Variants in ATP6V1C1 observed in about 807,000 individuals in gnomAD.
The protein encoded by ATP6V1C1 is V-type proton ATPase subunit C 1.
In ATP6V1C1, 45 loss-of-function variants were observed where a neutral mutation model predicts 53.9. The observed-to-expected ratio is 0.83, with a 90% CI of 0.66 to 1.07. The LOEUF (loss-of-function observed/expected upper bound fraction) is 1.07. ATP6V1C1 is among the 50% of genes least tolerant of loss of function. The pLI, the probability that ATP6V1C1 is intolerant of heterozygous loss-of-function variation, is 0.00. For missense variants in ATP6V1C1, 315 were observed against 440.3 expected (o/e 0.72, Z 2.55); for synonymous variants, 153 against 155.2 (o/e 0.99, Z 0.11).
At chr8:103,033,941 C>T (rs969174667) in intron 1 of ATP6V1C1, among the ~76,000 whole-genome samples, 3 of 152,132 alleles carry the variant, frequency 2.0e-5, no homozygotes, top group Non-Finnish European at 2.9e-5. Context: ...TGGAGTAGGA[C>T]TACATATTGG....
intron 1 of ATP6V1C1, among the ~76,000 whole-genome samples, chr8:103,029,976 C>T (rs1816767964): frequency 6.6e-6 from 1 of 152,160 alleles, no homozygotes; most frequent in Admixed American, 6.6e-5. Context: ...TCAAGTGATC[C>T]ACCTGTCTTG....
rs1817549144 is a variant in ATP6V1C1 at position 103,069,460 on chromosome 8, T to A, written c.*713T>A. 6.6e-6 allele frequency: 1 copy of A among 152,236 alleles called. No individual in the cohort carries two copies. Among genetic ancestry groups the A allele is most frequent in the Non-Finnish European group, 1.5e-5 (1 of 68,048 alleles). 9.4% of individuals were successfully genotyped at this position (152,236 alleles called of 1,614,324 possible). ...TTGGGTCAGAACACAAATTTGAAGA[T>A]GACTTTTCAGTATATGATGGGTATT... On this transcript the variant is annotated 3_prime_UTR_variant, in exon 13 of 13. Coordinates refer to ENST00000518738, the MANE Select transcript of ATP6V1C1 (RefSeq NM_001695.5).
chr8:103,035,138 AT>A (rs1284616081), intron 1 of ATP6V1C1, among the ~76,000 whole-genome samples: 1 of 152,024 alleles, frequency 6.6e-6, no homozygotes, highest in Non-Finnish European at 1.5e-5. Flanking sequence ...TCTTTTTTAT[AT>A]TTTTGACTTT....
chr8:103,026,270 G>A (rs975859174), intron 1 of ATP6V1C1, among the ~76,000 whole-genome samples: 2 of 152,206 alleles, frequency 1.3e-5, no homozygotes, highest in African/African-American at 4.8e-5. Context: ...ATGTCACAGT[G>A]TGTTTCCAGT....
chr8:103,045,898 G>A (rs957650566), intron 3 of ATP6V1C1, among the ~76,000 whole-genome samples: 2 of 151,676 alleles, frequency 1.3e-5, no homozygotes, highest in Non-Finnish European at 2.9e-5. Flanking sequence ...CTGAGGTAGC[G>A]CCACTGCACT....
rs1354244340 is a variant in ATP6V1C1 at position 103,070,117 on chromosome 8, T to C, written c.*1370T>C. The C allele has an allele frequency of 6.6e-6, 1 of 152,220 alleles. No homozygotes were observed. Among genetic ancestry groups the C allele is most frequent in the East Asian group, 1.9e-4 (1 of 5,200 alleles). The allele number at this position is 152,220 out of a possible 1,614,324, so 9.4% of individuals were successfully genotyped here. A position where few individuals can be genotyped will look rare whatever the true frequency, so the allele number is the denominator to read the frequency against. Reference sequence around the variant, plus strand: ...TCACTTGCTTTTTTGCTTAAGAGTATATCTAAGAGAATCCTTTGTGTCAGT... The same window carrying C: ...TCACTTGCTTTTTTGCTTAAGAGTACATCTAAGAGAATCCTTTGTGTCAGT... On this transcript the variant is annotated 3_prime_UTR_variant, in exon 13 of 13. Coordinates refer to ENST00000518738, the MANE Select transcript of ATP6V1C1 (RefSeq NM_001695.5).
chr8:103,059,451 C>T (rs1817353435), intron 8 of ATP6V1C1, among the ~76,000 whole-genome samples: 1 of 152,098 alleles, frequency 6.6e-6, no homozygotes, highest in Non-Finnish European at 1.5e-5. Context: ...GCAACATCTG[C>T]CCAGTGATCC....
chr8:103,060,951 G>A (rs1817385641), intron 8 of ATP6V1C1, among the ~76,000 whole-genome samples: 1 of 152,106 alleles, frequency 6.6e-6, no homozygotes, highest in South Asian at 2.1e-4. Flanking sequence ...GCAAAGTGTT[G>A]GATAAGTTTA....
chr8:103,051,390 T>C (rs1817197034), intron 5 of ATP6V1C1, among the ~76,000 whole-genome samples: 1 of 152,142 alleles, frequency 6.6e-6, no homozygotes, highest in Non-Finnish European at 1.5e-5. Context: ...TTTAAGAAAG[T>C]GTGAAAATTC....
intron 1 of ATP6V1C1, among the ~76,000 whole-genome samples, chr8:103,025,844 C>T (rs1219502889): frequency 6.6e-6 from 1 of 152,190 alleles, no homozygotes; most frequent in Non-Finnish European, 1.5e-5. Flanking sequence ...CTCAAGCTTA[C>T]TTAGGGTCAT....
intron 1 of ATP6V1C1, among the ~76,000 whole-genome samples, chr8:103,029,969 A>G (rs761621145): frequency 1.2e-4 from 19 of 152,176 alleles, no homozygotes; most frequent in Non-Finnish European, 2.4e-4. Context: ...CCTGAGCTCA[A>G]GTGATCCACC....
chr8:103,022,061 C>T (rs774561422), intron 1 of ATP6V1C1, among the ~76,000 whole-genome samples: 1 of 152,256 alleles, frequency 6.6e-6, no homozygotes, highest in South Asian at 2.1e-4. Flanking sequence ...AGTCTACACA[C>T]AGGACACGTT....
intron 1 of ATP6V1C1, among the ~76,000 whole-genome samples, chr8:103,026,033 G>C (rs1816688835): frequency 1.3e-5 from 2 of 152,138 alleles, no homozygotes; most frequent in Non-Finnish European, 1.5e-5. Context: ...TGTAGATTCA[G>C]GGAATCCCCT....
At chr8:103,033,403 C>T (rs1180570394) in intron 1 of ATP6V1C1, among the ~76,000 whole-genome samples, 2 of 152,138 alleles carry the variant, frequency 1.3e-5, no homozygotes, top group Non-Finnish European at 2.9e-5. Context: ...AATCCAGGTG[C>T]TTGATGTTAT....
Position 103,048,889 on chromosome 8 carries a change from C to T in ATP6V1C1, c.220C>T (p.Gln74Ter). 1 of 1,612,926 alleles carries T rather than the reference C, an allele frequency of 6.2e-7. No homozygotes were observed. The highest frequency in any genetic ancestry group is 8.5e-7 in the Non-Finnish European group (1 of 1,179,502). The change falls in exon 4 of 13, where the codon CAA becomes TAA. Residue 74 changes from glutamine to a stop codon, truncating the protein, a stop_gained. Transcript: ENST00000518738. LOFTEE classifies it high-confidence loss of function. ...CCCCAGAGTGGTTAAGAAAGTAGCT[C>T]AATACATGGCTGATGTATTGGAAGA... is the stretch of plus-strand genomic sequence containing the variant. ...FVEGVVKKVA[Q>*]YMADVLEDSK... is the part of the protein sequence containing the mutation.
intron 1 of ATP6V1C1, among the ~76,000 whole-genome samples, chr8:103,037,684 A>T (rs1460635407): frequency 2.6e-5 from 4 of 152,230 alleles, no homozygotes; most frequent in African/African-American, 9.6e-5. Flanking sequence ...AATTAAATAC[A>T]TTCTCATAAA....
At chr8:103,062,849 G>A in intron 8 of ATP6V1C1, 106 bp from the exon 9 acceptor site, 3 of 852,814 alleles carry the variant, frequency 3.5e-6, no homozygotes, top group Non-Finnish European at 1.9e-6. Context: ...TTTGGGAAGG[G>A]CTATTATACC....
intron 6 of ATP6V1C1, among the ~76,000 whole-genome samples, chr8:103,053,317 A>G (rs199935822): frequency 6.6e-6 from 1 of 151,976 alleles, no homozygotes; most frequent in Non-Finnish European, 1.5e-5. Context: ...AACTTTAAGC[A>G]TGAAAGTATT....
Position 103,068,824 on chromosome 8 carries a change from T to TTTTAAC in ATP6V1C1, c.*79_*84dup. The TTTTAAC allele has an allele frequency of 7.8e-7, 1 of 1,282,750 alleles. No individual in the cohort carries two copies. The highest frequency in any genetic ancestry group is 1.4e-5 in the South Asian group (1 of 73,832). The allele number at this position is 1,282,750 out of a possible 1,614,324, so 79.5% of individuals were successfully genotyped here. A position where few individuals can be genotyped will look rare whatever the true frequency, so the allele number is the denominator to read the frequency against. ...GAAATAAGTTGCAGTATGGTCGTAC[T>TTTTAAC]TTTAACTCTAGTATCCTTTGCTTGC... is the stretch of plus-strand genomic sequence containing the variant. On this transcript the variant is annotated 3_prime_UTR_variant, in exon 13 of 13. Transcript: ENST00000518738.
Sources: allele counts gnomAD v4.1 joint callset (sites outside exome capture counted in the v4.1 genomes callset), GRCh38; gene constraint gnomAD v4.1.1; transcripts MANE v1.5; gene names NCBI Gene and HGNC (gene_info 2026-07-23, HGNC 2026-07-21).